The following ZFHX3 variants were observed in gnomAD, a reference collection of about 807,000 sequenced individuals.
ZFHX3 encodes zinc finger homeobox 3, also known as zinc finger homeobox protein 3.
In ZFHX3, 42 loss-of-function variants were observed where a neutral mutation model predicts 279.1. The observed-to-expected ratio is 0.15, with a 90% CI of 0.12 to 0.19. ZFHX3 has a LOEUF of 0.19. Among genes scored for constraint, ZFHX3 ranks in the 10% least tolerant of loss-of-function variants. The probability of loss-of-function intolerance (pLI) is 1.00; values close to 1 mark genes in which losing one functional copy is unlikely to be tolerated. For missense variants in ZFHX3, 4,981 were observed against 4,754.0 expected, an observed-to-expected ratio of 1.05 and a Z score of -1.40; for synonymous variants, 2,293 against 1,957.8, an observed-to-expected ratio of 1.17 and a Z score of -4.52.
chr16:72,846,130 G>A (rs1452523398), intron 4 of ZFHX3, among the ~76,000 whole-genome samples: 1 of 152,206 alleles, frequency 6.6e-6, no homozygotes, highest in African/African-American at 2.4e-5. Flanking sequence ...AGGAAGGAGT[G>A]GGGAGAGTAA....
Position 72,889,816 on chromosome 16 carries a change from C to T in ZFHX3, c.3363G>A (p.Leu1121=). Reference sequence around the variant, plus strand: ...CTGGAAGGCCCTTCTGCAGCCGCTGCAGCTTTCGCAGGCTCTCGCTTCGCT... The same window carrying T: ...CTGGAAGGCCCTTCTGCAGCCGCTGTAGCTTTCGCAGGCTCTCGCTTCGCT... ...KHQRSESLRK[L]QRLQKGLPEE... Residue 1121 remains leucine (L), a synonymous_variant, in exon 4 of 10, where the codon CTG becomes CTA. Coordinates refer to ENST00000268489, the MANE Select transcript of ZFHX3 (RefSeq NM_006885.4). 1 of 1,613,898 alleles carries T rather than the reference C, an allele frequency of 6.2e-7. No homozygotes were observed.
rs553703107 is a variant in ZFHX3, at chr16:73,622,516, C to A, written c.-1547+57664G>T. ...GGTGGAGCTTGCAGTGAGCCGAGAT[C>A]GTGCCACTGCACTCCAGCTTGGGCG... On this transcript the variant is annotated intron_variant, in intron 2 of 17. Coordinates refer to the ZFHX3 transcript ENST00000641206. 3.9e-3 allele frequency among the ~76,000 whole-genome samples: 597 copies of A among 152,078 alleles called. 2 individuals are homozygous for A. Among genetic ancestry groups the A allele is most frequent in the Middle Eastern group, 0.014 (4 of 294 alleles).
intron 1 of ZFHX3, among the ~76,000 whole-genome samples, chr16:73,738,304 T>C (rs1304964156): frequency 1.3e-5 from 2 of 152,176 alleles, no homozygotes; most frequent in African/African-American, 4.8e-5. Flanking sequence ...TCAGCCTGAC[T>C]TCAGCTTAGA....
At chr16:73,493,383 G>A (rs971571770) in intron 2 of ZFHX3, among the ~76,000 whole-genome samples, 3 of 152,068 alleles carry the variant, frequency 2.0e-5, no homozygotes, top group Non-Finnish European at 2.9e-5. Context: ...TTTCACTTGT[G>A]CATCCAGGCT....
intron 2 of ZFHX3, among the ~76,000 whole-genome samples, chr16:73,601,299 C>T (rs1347922159): frequency 2.0e-4 from 12 of 60,484 alleles, no homozygotes; most frequent in Non-Finnish European, 4.1e-4. Flanking sequence ...ACTAAAAATA[C>T]AAAAAAAAAA....
In ZFHX3 at chr16:73,474,543, G is replaced by A. The variant is rs34066092; in HGVS notation, c.-1546-18285C>T. 4.0e-3 allele frequency among the ~76,000 whole-genome samples: 613 copies of A among 152,296 alleles called. 2 individuals are homozygous for A. The highest frequency in any genetic ancestry group is 6.5e-3 in the Non-Finnish European group (445 of 68,034). On this transcript the variant is annotated intron_variant, in intron 2 of 17. Coordinates refer to the ZFHX3 transcript ENST00000641206. Reference sequence around the variant, plus strand: ...AGGTGAACTAGCATTCCCAGAGGAGGAGGAGGAAGCAGTGGTGGGGGTGGC... The same window carrying A: ...AGGTGAACTAGCATTCCCAGAGGAGAAGGAGGAAGCAGTGGTGGGGGTGGC...
intron 4 of ZFHX3, among the ~76,000 whole-genome samples, chr16:72,835,623 G>C (rs1035788342): frequency 2.0e-5 from 3 of 152,156 alleles, no homozygotes; most frequent in African/African-American, 7.2e-5. Context: ...GGTGGGAAAG[G>C]CGGGGTACAC....
At position 72,794,369 on chromosome 16, in the gene ZFHX3, G is replaced by A. The variant is rs1486113081; in HGVS notation, c.8313C>T (p.Ser2771=). The A allele has an allele frequency of 3.1e-6, 5 of 1,602,290 alleles. No homozygotes were observed. Among genetic ancestry groups the A allele is most frequent in the Non-Finnish European group, 4.3e-6 (5 of 1,173,880 alleles). Residue 2771 remains serine (S), a synonymous_variant, in exon 9 of 10, where the codon TCC becomes TCT. Coordinates refer to ENST00000268489, the MANE Select transcript of ZFHX3 (RefSeq NM_006885.4). This position sits in a 1 kb window ranked among gnomAD's most constrained non-coding sequence, Gnocchi z 4.2. The part of the protein sequence containing the change: ...KGDIFDGTSF[S]HLPPSSSDGQ... Reference sequence around the variant, plus strand: ...CATCACTACTGCTTGGGGGTAGGTGGGAAAAGCTAGTTCCGTCAAAAATAT... The same window carrying A: ...CATCACTACTGCTTGGGGGTAGGTGAGAAAAGCTAGTTCCGTCAAAAATAT...
At chr16:73,564,588 G>C (rs921916125) in intron 2 of ZFHX3, among the ~76,000 whole-genome samples, 1 of 152,092 alleles carries the variant, frequency 6.6e-6, no homozygotes. Flanking sequence ...ACCCCAGCCA[G>C]AGCAAACTCT....
chr16:73,766,151 A>C lies in ZFHX3; in HGVS notation c.-1607-85911T>G, dbSNP rs965460130. The stretch of plus-strand genomic sequence containing the variant: ...GTTACGGAAAAAGCATTCTGTTCCA[A>C]TGTCACTTTAGTCCCTCATAGTGAC... On this transcript the variant is annotated intron_variant, in intron 1 of 17. Coordinates refer to the ZFHX3 transcript ENST00000641206. Among the ~76,000 whole-genome samples the C allele has an allele frequency of 2.6e-5, 4 of 152,310 alleles. No individual in the cohort carries two copies. The East Asian group carries it at 7.7e-4, about 29-fold the overall frequency.
intron 1 of ZFHX3, among the ~76,000 whole-genome samples, chr16:73,842,960 G>C (rs1018990976): frequency 6.6e-6 from 1 of 152,110 alleles, no homozygotes; most frequent in Non-Finnish European, 1.5e-5. Context: ...CCCACTTTAC[G>C]ATTTGTGAAT....
intron 1 of ZFHX3, among the ~76,000 whole-genome samples, chr16:73,020,902 C>A (rs1421330620): frequency 1.3e-5 from 2 of 152,108 alleles, no homozygotes; most frequent in East Asian, 3.8e-4. Context: ...AAATGCAGAT[C>A]TGAACCAACT....
chr16:73,464,068 A>T (rs1418651197), intron 2 of ZFHX3, among the ~76,000 whole-genome samples: 1 of 152,130 alleles, frequency 6.6e-6, no homozygotes, highest in East Asian at 1.9e-4. Context: ...GTGTGTGTGT[A>T]TTTCTGTATT....
chr16:73,429,826 C>T (rs369627004), intron 3 of ZFHX3, among the ~76,000 whole-genome samples: 45 of 152,302 alleles, frequency 3.0e-4, no homozygotes, highest in African/African-American at 9.6e-4. Flanking sequence ...CCTCGCTCCC[C>T]CACAGATGGC....
chr16:73,231,625 G>T (rs2012775780), intron 5 of ZFHX3, among the ~76,000 whole-genome samples: 1 of 152,196 alleles, frequency 6.6e-6, no homozygotes, highest in South Asian at 2.1e-4. Flanking sequence ...GTCTAACAGG[G>T]ACACAGGTTA....
Position 73,866,169 on chromosome 16 carries a change from ATTT to A in ZFHX3, c.-1608+25479_-1608+25481del, listed in dbSNP as rs34324522. On this transcript the variant is annotated intron_variant, in intron 1 of 17. Coordinates refer to the ZFHX3 transcript ENST00000641206. ...AGGTGCACACCACTATGCCAGGCTA[ATTT>A]TTTTTTTTTTTTTTTTTTTTTTTTT... Among the ~76,000 whole-genome samples the A allele has an allele frequency of 7.7e-3, 575 of 74,616 alleles. 4 individuals are homozygous for A. Among genetic ancestry groups the A allele is most frequent in the African/African-American group, 0.026 (528 of 20,630 alleles). 49.0% of individuals were successfully genotyped at this position (74,616 alleles called of 152,430 possible). A position where few individuals can be genotyped will look rare whatever the true frequency, so the allele number is the denominator to read the frequency against.
intron 7 of ZFHX3, among the ~76,000 whole-genome samples, chr16:73,097,779 G>A (rs964518742): frequency 3.9e-5 from 6 of 152,186 alleles, no homozygotes; most frequent in Middle Eastern, 3.4e-3. Context: ...TCTACTTTCC[G>A]TCTCTATGAA....
intron 5 of ZFHX3, among the ~76,000 whole-genome samples, chr16:72,822,143 C>A (rs907283581): frequency 5.3e-5 from 8 of 152,128 alleles, no homozygotes; most frequent in African/African-American, 1.7e-4. Flanking sequence ...TGCTATTTTA[C>A]CAATTGATTG....
At chr16:72,840,286 A>C (rs2037312710) in intron 4 of ZFHX3, among the ~76,000 whole-genome samples, 1 of 152,210 alleles carries the variant, frequency 6.6e-6, no homozygotes, top group Non-Finnish European at 1.5e-5. Context: ...CTGATATTAA[A>C]TGATGGTGAT....
Sources: gnomAD v4.1 joint callset for allele counts (sites outside exome capture counted in the v4.1 genomes callset) on GRCh38, gnomAD v4.1.1 for gene constraint, Gnocchi (gnomAD v3.1) non-coding constraint, MANE v1.5 for transcripts, NCBI Gene and HGNC (gene_info 2026-07-23, HGNC 2026-07-21) for gene names.